CRACDL: variants seen among roughly 807,000 people sequenced by gnomAD.
CRACDL encodes CRACD like, also known as CRACD-like protein.
In CRACDL, 26 loss-of-function variants were observed where a neutral mutation model predicts 70.6. The observed-to-expected ratio is 0.37, with a 90% CI of 0.27 to 0.51. CRACDL has a LOEUF of 0.51. Ranked by LOEUF, CRACDL falls within the 20% of genes least tolerant of loss-of-function variation. The probability of loss-of-function intolerance (pLI) is 0.94; values close to 1 mark genes in which losing one functional copy is unlikely to be tolerated. For synonymous variants in CRACDL, 618 were observed against 615.2 expected (o/e 1.00, Z -0.07); for missense variants, 1,283 against 1,376.9 (o/e 0.93, Z 1.08).
intron 7 of CRACDL, among the ~76,000 whole-genome samples, chr2:98,817,614 G>A (rs1463316706): frequency 6.6e-6 from 1 of 152,182 alleles, no homozygotes; most frequent in East Asian, 1.9e-4. Context: ...TGCCTTCTCT[G>A]TGCAATAAAC....
intron 1 of CRACDL, among the ~76,000 whole-genome samples, chr2:98,912,554 A>T (rs1708569599): frequency 1.3e-5 from 2 of 152,220 alleles, no homozygotes; most frequent in African/African-American, 4.8e-5. Flanking sequence ...AGCTCACAGC[A>T]GGCTTTCCCT....
intron 9 of CRACDL, 24 bp downstream of exon 9, chr2:98,796,096 T>C (rs529649569): frequency 1.6e-4 from 255 of 1,606,616 alleles, no homozygotes; most frequent in Non-Finnish European, 2.1e-4. Context: ...TCAAAGTATG[T>C]GGTAATGTTT....
intron 1 of CRACDL, among the ~76,000 whole-genome samples, chr2:98,906,188 T>C (rs1458904682): frequency 6.6e-6 from 1 of 152,206 alleles, no homozygotes; most frequent in East Asian, 1.9e-4. Flanking sequence ...TCAAGCTCAC[T>C]GACATTTTCT....
At position 98,822,421 on chromosome 2, in the gene CRACDL, C is replaced by G; in HGVS notation, c.1852G>C (p.Gly618Arg). Reference protein sequence around the residue: ...RSEAALDDLQGLPEPQHAKPG... With the variant: ...RSEAALDDLQRLPEPQHAKPG... ...TTCGCGTGCTGGGGCTCGGGGAGAC[C>G]CTGGAGGTCGTCAAGAGCCGCCTCG... The change falls in exon 7 of 10, where the codon GGT becomes CGT. Residue 618 changes from glycine to arginine, a missense_variant. Physicochemically the swap from Gly to Arg is moderately radical, Grantham distance 125. Around this residue, in one of 2 missense-constraint regions of CRACDL, gnomAD observed 921 missense variants for 881.9 expected, o/e 1.04. Coordinates refer to ENST00000397899, the MANE Select transcript of CRACDL (RefSeq NM_207362.3). This position sits in a 1 kb window ranked among gnomAD's most constrained non-coding sequence, Gnocchi z 4.9. The G allele has an allele frequency of 6.7e-7, 1 of 1,484,766 alleles. No homozygotes were observed. Among genetic ancestry groups the G allele is most frequent in the Non-Finnish European group, 8.9e-7 (1 of 1,125,818 alleles). 92.0% of individuals were successfully genotyped at this position (1,484,766 alleles called of 1,614,324 possible). A position where few individuals can be genotyped will look rare whatever the true frequency, so the allele number is the denominator to read the frequency against.
chr2:98,815,557 C>A (rs1188974521), intron 7 of CRACDL, among the ~76,000 whole-genome samples: 1 of 152,196 alleles, frequency 6.6e-6, no homozygotes, highest in Non-Finnish European at 1.5e-5. Context: ...AACCACCATA[C>A]CTGTTGCTGC....
rs1277511665 is a variant in CRACDL at position 98,794,060 on chromosome 2, T to C, written c.*472A>G. On this transcript the variant is annotated 3_prime_UTR_variant, in exon 10 of 10. Transcript: ENST00000397899. The stretch of plus-strand genomic sequence containing the variant: ...AACGGCATCCCTGTTTTGCCATGAA[T>C]GTCATGCCTCGTAGTAAACATGAAA... 6.5e-6 allele frequency: 1 copy of C among 152,906 alleles called. No homozygotes were observed. Among genetic ancestry groups the C allele is most frequent in the Non-Finnish European group, 1.5e-5 (1 of 68,226 alleles). The allele number at this position is 152,906 out of a possible 1,614,324, so 9.5% of individuals were successfully genotyped here. A position where few individuals can be genotyped will look rare whatever the true frequency, so the allele number is the denominator to read the frequency against.
At chr2:98,852,159 T>C (rs1428281104) in intron 1 of CRACDL, among the ~76,000 whole-genome samples, 1 of 152,016 alleles carries the variant, frequency 6.6e-6, no homozygotes, top group Non-Finnish European at 1.5e-5. Flanking sequence ...AGGAAAAAAC[T>C]TCAGAGAGAG....
At chr2:98,905,851 A>G (rs1708398149) in intron 1 of CRACDL, among the ~76,000 whole-genome samples, 1 of 152,136 alleles carries the variant, frequency 6.6e-6, no homozygotes, top group Non-Finnish European at 1.5e-5. Context: ...TCCTGACCTC[A>G]GGTCATCTTC....
intron 1 of CRACDL, among the ~76,000 whole-genome samples, chr2:98,866,089 TATAAG>T (rs2104584503): frequency 6.6e-6 from 1 of 152,226 alleles, no homozygotes; most frequent in Non-Finnish European, 1.5e-5. Context: ...TGCTCTGACA[TATAAG>T]AGAAAAGAAA....
rs1464986654 is a variant in CRACDL at position 98,822,332 on chromosome 2, C to A, written c.1941G>T (p.Pro647=). Residue 647 remains proline, a synonymous_variant, in exon 7 of 10, where the codon CCG becomes CCT. Transcript: ENST00000397899. The surrounding 1 kb of genome is among the most constrained non-coding windows in gnomAD (Gnocchi z 4.9). The part of the protein sequence containing the change: ...PQDSGDRAAS[P]AGPRKSPQEA... ...CCTGAGGGCTCTTGCGCGGCCCGGC[C>A]GGGCTGGCCGCCCTGTCCCCCGAGT... 3 of 1,457,106 alleles carry A rather than the reference C, an allele frequency of 2.1e-6. No individual in the cohort carries two copies. Among genetic ancestry groups the A allele is most frequent in the Middle Eastern group, 1.9e-4 (1 of 5,274 alleles). The allele number at this position is 1,457,106 out of a possible 1,614,324, so 90.3% of individuals were successfully genotyped here. A position where few individuals can be genotyped will look rare whatever the true frequency, so the allele number is the denominator to read the frequency against.
intron 1 of CRACDL, among the ~76,000 whole-genome samples, chr2:98,859,716 A>G (rs538104628): frequency 1.3e-5 from 2 of 152,332 alleles, no homozygotes; most frequent in East Asian, 1.9e-4. Flanking sequence ...TCAGTGGTGA[A>G]AGACAGAATG....
intron 1 of CRACDL, among the ~76,000 whole-genome samples, chr2:98,889,331 GAAA>G (rs764917061): frequency 0.024 from 2,506 of 104,250 alleles, 42 homozygotes; most frequent in Middle Eastern, 0.048. Context: ...AAGAAAGAAA[GAAA>G]GAAAGAAAGG....
intron 9 of CRACDL, 108 bp downstream of exon 9, chr2:98,796,012 C>CA: frequency 9.9e-7 from 1 of 1,010,088 alleles, no homozygotes; most frequent in East Asian, 2.4e-5. Context: ...GTAGAAAACT[C>CA]AATGTTGCAA....
At chr2:98,830,378 C>T (rs1705491750) in intron 5 of CRACDL, among the ~76,000 whole-genome samples, 1 of 152,142 alleles carries the variant, frequency 6.6e-6, no homozygotes, top group South Asian at 2.1e-4. Flanking sequence ...GTGTGTAAGC[C>T]TGTGGGTCAG....
intron 3 of CRACDL, 143 bp downstream of exon 3, chr2:98,837,976 A>G: frequency 1.5e-6 from 1 of 648,836 alleles, no homozygotes; most frequent in Non-Finnish European, 2.5e-6. Context: ...AGGTTTGAAA[A>G]GACAGAAAAC....
chr2:98,932,541 A>T (rs1017033875), intron 1 of CRACDL, among the ~76,000 whole-genome samples: 2 of 152,138 alleles, frequency 1.3e-5, no homozygotes, highest in African/African-American at 4.8e-5. Context: ...CAACAGCATA[A>T]ATAGGAACGG....
intron 7 of CRACDL, among the ~76,000 whole-genome samples, chr2:98,807,297 C>T (rs1191304376): frequency 1.3e-5 from 2 of 152,200 alleles, no homozygotes; most frequent in African/African-American, 2.4e-5. Context: ...CCACTTCCTC[C>T]CCATTTTAAC....
intron 1 of CRACDL, among the ~76,000 whole-genome samples, chr2:98,853,015 GGGGAA>G (rs1358885372): frequency 4.8e-4 from 62 of 128,856 alleles, no homozygotes; most frequent in South Asian, 1.3e-3. Flanking sequence ...GGGGAGGGGA[GGGGAA>G]GGGAAGGGAA....
At chr2:98,859,646 A>T (rs1706854478) in intron 1 of CRACDL, among the ~76,000 whole-genome samples, 1 of 152,226 alleles carries the variant, frequency 6.6e-6, no homozygotes. Context: ...CTAGGAATTG[A>T]CAAACGCTTC....
Sources: gnomAD v4.1 joint callset for allele counts (sites outside exome capture counted in the v4.1 genomes callset) on GRCh38, gnomAD v4.1.1 for gene constraint, gnomAD v4.1.1 regional missense constraint, Gnocchi (gnomAD v3.1) non-coding constraint, MANE v1.5 for transcripts, NCBI Gene and HGNC (gene_info 2026-07-23, HGNC 2026-07-21) for gene names.